The following CTSD variants were observed in gnomAD, a reference collection of about 807,000 sequenced individuals.
CTSD encodes the protein ceroid-lipofuscinosis, neuronal 10.
A neutral mutation model predicts 43.6 loss-of-function variants in CTSD; 28 were observed. That is an observed-to-expected ratio of 0.64 (90% confidence interval 0.48 to 0.88). CTSD has a LOEUF of 0.88. Ranked by LOEUF, CTSD falls within the 40% of genes least tolerant of loss-of-function variation. The probability of loss-of-function intolerance (pLI) is 0.00; values close to 1 mark genes in which losing one functional copy is unlikely to be tolerated. For synonymous variants in CTSD, 270 were observed against 249.8 expected (o/e 1.08, Z -0.76); for missense variants, 485 against 555.2 (o/e 0.87, Z 1.27).
chr11:1,753,732 C>G, intron 8 of CTSD, 62 bp from the exon 9 acceptor site: 2 of 1,608,752 alleles, frequency 1.2e-6, no homozygotes, highest in South Asian at 2.2e-5. Context: ...ACCTGTTGCC[C>G]GCTCACCTGG....
chr11:1,758,330 T>C (rs1179635906), intron 4 of CTSD, among the ~76,000 whole-genome samples: 2 of 152,094 alleles, frequency 1.3e-5, no homozygotes, highest in African/African-American at 4.8e-5. Context: ...CACCATCCCG[T>C]AACTCCTGAA....
At chr11:1,753,719 C>A in intron 8 of CTSD, 49 bp from the exon 9 acceptor site, 1 of 1,609,978 alleles carries the variant, frequency 6.2e-7, no homozygotes, top group Non-Finnish European at 8.5e-7. Flanking sequence ...CACCCGCCCC[C>A]CCACCTGTTG....
At chr11:1,759,772 A>G in intron 2 of CTSD, 133 bp from the exon 3 acceptor site, 2 of 937,052 alleles carry the variant, frequency 2.1e-6, no homozygotes, top group South Asian at 3.5e-5. Context: ...ACAGCTGCCA[A>G]CAGCCACCCA....
Position 1,754,052 on chromosome 11 carries a change from A to G in CTSD, c.914T>C (p.Val305Ala), listed in dbSNP as rs1318869824. Residue 305 changes from valine (V) to alanine (A), a missense_variant, in exon 7 of 9, where the codon GTG (valine) becomes GCG (alanine). Val to Ala is a moderately conservative substitution (Grantham distance 64). Coordinates refer to ENST00000236671, the MANE Select transcript of CTSD (RefSeq NM_001909.5). The part of the protein sequence containing the change: ...DTGTSLMVGP[V>A]DEVRELQKAI... ...CTTCTGCAGCTCGCGCACCTCATCCACCGGGCCCACCATGAGGGAAGTGCC... is the reference window on the plus strand; with the variant it reads ...CTTCTGCAGCTCGCGCACCTCATCCGCCGGGCCCACCATGAGGGAAGTGCC... The G allele has an allele frequency of 6.2e-7, 1 of 1,610,104 alleles. No individual in the cohort carries two copies. The highest frequency in any genetic ancestry group is 1.1e-5 in the South Asian group (1 of 90,918).
At position 1,752,826 on chromosome 11, in the gene CTSD, A is replaced by C. The variant is rs1845742995; in HGVS notation, c.*677T>G. ...CTCTCAGCCGCCCAAGGGGAGGACA[A>C]CAGAGGTCAGCTGCAGAGGAAGGCT... is the stretch of plus-strand genomic sequence containing the variant. On this transcript the variant is annotated 3_prime_UTR_variant, in exon 9 of 9. Transcript: ENST00000236671. The C allele has an allele frequency of 6.3e-6, 1 of 158,256 alleles. No homozygotes were observed. The highest frequency in any genetic ancestry group is 2.4e-5 in the African/African-American group (1 of 41,512). The allele number at this position is 158,256 out of a possible 1,614,324, so 9.8% of individuals were successfully genotyped here. A position where few individuals can be genotyped will look rare whatever the true frequency, so the allele number is the denominator to read the frequency against.
chr11:1,755,632 C>T (rs1845799976), intron 5 of CTSD, among the ~76,000 whole-genome samples: 1 of 152,178 alleles, frequency 6.6e-6, no homozygotes, highest in Non-Finnish European at 1.5e-5. Flanking sequence ...TGTTTCTAAA[C>T]ATTGCTCAAG....
Position 1,763,777 on chromosome 11 carries a change from C to A in CTSD, c.68+15G>T, listed in dbSNP as rs1326268387. On this transcript the variant is annotated intron_variant, in intron 1 of 8. Coordinates refer to ENST00000236671, the MANE Select transcript of CTSD (RefSeq NM_001909.5). ...ACCCCTGCCCGTCCCTGAGCCCCGG[C>A]CCCTGAGGCTTCACCTGACGAGCGC... is the stretch of plus-strand genomic sequence containing the variant. 1 of 1,523,096 alleles carries A rather than the reference C, an allele frequency of 6.6e-7. No individual in the cohort carries two copies. Among genetic ancestry groups the A allele is most frequent in the Admixed American group, 2.0e-5 (1 of 50,258 alleles). The allele number at this position is 1,523,096 out of a possible 1,614,324, so 94.3% of individuals were successfully genotyped here.
chr11:1,753,408 G>A lies in CTSD; in HGVS notation c.*95C>T. ...GGCGCCCAGGACAGTGGGCGGGCGAGTGTGTGGGTGTGTGTGGGAGGGGCC... is the reference window on the plus strand; with the variant it reads ...GGCGCCCAGGACAGTGGGCGGGCGAATGTGTGGGTGTGTGTGGGAGGGGCC... On this transcript the variant is annotated 3_prime_UTR_variant, in exon 9 of 9. Transcript: ENST00000236671. The A allele has an allele frequency of 6.9e-7, 1 of 1,455,970 alleles. No homozygotes were observed. Among genetic ancestry groups the A allele is most frequent in the Non-Finnish European group, 9.6e-7 (1 of 1,039,572 alleles). The allele number at this position is 1,455,970 out of a possible 1,614,324, so 90.2% of individuals were successfully genotyped here. A position where few individuals can be genotyped will look rare whatever the true frequency, so the allele number is the denominator to read the frequency against.
chr11:1,753,987 C>T lies in CTSD; in HGVS notation c.972+7G>A, dbSNP rs371747998. On this transcript the variant is annotated splice_region_variant and intron_variant, in intron 7 of 8. Transcript: ENST00000236671. ...CCCCAGCCCCAGCCCCAGCCCCCGG[C>T]GCTCACCTCGCCCTGAATCAGCGGC... 5.3e-5 allele frequency: 85 copies of T among 1,604,974 alleles called. No homozygotes were observed. The highest frequency in any genetic ancestry group is 6.7e-5 in the East Asian group (3 of 44,644).
At chr11:1,762,998 C>G (rs141668130) in intron 1 of CTSD, 1 of 152,378 alleles carries the variant, frequency 6.6e-6, no homozygotes, top group Non-Finnish European at 1.5e-5. Flanking sequence ...GGGGCAGGTG[C>G]CCAATGGGAT....
At chr11:1,761,109 AC>A (rs1845870361) in intron 2 of CTSD, 199 bp downstream of exon 2, 2 of 640,514 alleles carry the variant, frequency 3.1e-6, no homozygotes, top group South Asian at 3.5e-5. Flanking sequence ...CAGGACCAAG[AC>A]CCTGCAATGA....
Position 1,757,347 on chromosome 11 carries a change from G to A in CTSD, c.681C>T (p.Asn227=), listed in dbSNP as rs765228737. The change falls in exon 5 of 9, where the codon AAC becomes AAT. Residue 227 remains asparagine (N), a synonymous_variant. Coordinates refer to ENST00000236671, the MANE Select transcript of CTSD (RefSeq NM_001909.5). ...ACCTGCTCAGGTAGAAGGAGAAGAT[G>A]TTCTGGTCCACCAGCTTCTGCTGCA... is the stretch of plus-strand genomic sequence containing the variant. ...NLMQQKLVDQ[N]IFSFYLSRDP... 6.2e-7 allele frequency: 1 copy of A among 1,614,016 alleles called. No individual in the cohort carries two copies. Among genetic ancestry groups the A allele is most frequent in the South Asian group, 1.1e-5 (1 of 91,088 alleles).
intron 1 of CTSD, 78 bp downstream of exon 1, chr11:1,763,714 G>A (rs1845911501): frequency 5.2e-6 from 7 of 1,341,430 alleles, no homozygotes; most frequent in Non-Finnish European, 7.0e-6. Flanking sequence ...ACAGGGGAGC[G>A]CGAAAGTCAC....
chr11:1,758,694 G>C (rs745515019), intron 4 of CTSD, among the ~76,000 whole-genome samples: 10 of 152,234 alleles, frequency 6.6e-5, no homozygotes, highest in Middle Eastern at 3.4e-3. Context: ...GCCAAAAAGA[G>C]CCCGATCGAT....
intron 2 of CTSD, among the ~76,000 whole-genome samples, chr11:1,759,863 T>C (rs1845854126): frequency 6.6e-6 from 1 of 152,220 alleles, no homozygotes. Context: ...TTGGGGTCTC[T>C]AGACCCCTGG....
chr11:1,763,625 C>T (rs1010342806), intron 1 of CTSD, 167 bp downstream of exon 1: 116 of 605,396 alleles, frequency 1.9e-4, no homozygotes, highest in Middle Eastern at 9.3e-4. Flanking sequence ...GCCCCGTAGG[C>T]GGGTGGTCCG....
intron 4 of CTSD, among the ~76,000 whole-genome samples, chr11:1,758,340 A>C (rs980276474): frequency 5.9e-5 from 9 of 151,706 alleles, no homozygotes; most frequent in Non-Finnish European, 1.3e-4. Flanking sequence ...TAACTCCTGA[A>C]CCCCTTGTGG....
At chr11:1,754,348 T>TGAGGGGCATGGAGGGATGAAGGGATG in intron 6 of CTSD, 2 of 381,062 alleles carry the variant, frequency 5.2e-6, no homozygotes, top group Non-Finnish European at 9.4e-6. Context: ...CAGGTGGTGG[T>TGAGGGGCATGGAGGGATGAAGGGATG]GAGGGGCATG....
At position 1,753,480 on chromosome 11, in the gene CTSD, C is replaced by G. The variant is rs1198733435; in HGVS notation, c.*23G>C. The stretch of plus-strand genomic sequence containing the variant: ...TCTGGGACTCTCCTCTGTTTCTGTG[C>G]TGGCGCGCGGACGCCTTGGGAACTA... On this transcript the variant is annotated 3_prime_UTR_variant, in exon 9 of 9. Transcript: ENST00000236671. 1.9e-6 allele frequency: 3 copies of G among 1,612,802 alleles called. No individual in the cohort carries two copies. Among genetic ancestry groups the G allele is most frequent in the East Asian group, 2.2e-5 (1 of 44,876 alleles).
Sources: allele counts gnomAD v4.1 joint callset (sites outside exome capture counted in the v4.1 genomes callset), GRCh38; gene constraint gnomAD v4.1.1; transcripts MANE v1.5; gene names NCBI Gene and HGNC (gene_info 2026-07-23, HGNC 2026-07-21).